Variants in PLCE1 observed in about 807,000 individuals in gnomAD.
PLCE1 encodes the protein 1-phosphatidylinositol 4,5-bisphosphate phosphodiesterase epsilon-1.
In PLCE1, 119 loss-of-function variants were observed where a neutral mutation model predicts 242.8. The ratio of observed to expected loss-of-function variants is 0.49; its 90% CI spans 0.42 to 0.57. The LOEUF is 0.57. Among genes scored for constraint, PLCE1 ranks in the 20% least tolerant of loss-of-function variants. The pLI is 0.00. For synonymous variants in PLCE1, 945 were observed against 1,017.4 expected, an observed-to-expected ratio of 0.93 and a Z score of 1.35; for missense variants, 2,441 against 2,788.8, an observed-to-expected ratio of 0.88 and a Z score of 2.81.
intron 2 of PLCE1, among the ~76,000 whole-genome samples, chr10:94,101,126 C>T (rs538552883): frequency 3.0e-4 from 46 of 152,246 alleles, no homozygotes; most frequent in African/African-American, 8.4e-4. Flanking sequence ...GCCGAGGCAG[C>T]GTGAGGCTTA....
chr10:94,033,807 A>G (rs763508888), intron 2 of PLCE1, among the ~76,000 whole-genome samples: 5 of 151,962 alleles, frequency 3.3e-5, no homozygotes, highest in Non-Finnish European at 7.4e-5. Flanking sequence ...TCACATTCCA[A>G]TTTTTCATAA....
chr10:94,125,781 A>G (rs574333248), intron 2 of PLCE1, among the ~76,000 whole-genome samples: 41 of 152,186 alleles, frequency 2.7e-4, no homozygotes, highest in Non-Finnish European at 4.7e-4. Context: ...AAGTGATCTC[A>G]AAAAGATAGC....
intron 18 of PLCE1, among the ~76,000 whole-genome samples, chr10:94,273,020 G>A (rs2133163705): frequency 6.6e-6 from 1 of 152,010 alleles, no homozygotes; most frequent in Middle Eastern, 3.4e-3. Context: ...GGGCAACAAT[G>A]GAGTTGATAT....
chr10:94,186,906 T>C (rs1349247779), intron 4 of PLCE1, among the ~76,000 whole-genome samples: 1 of 152,262 alleles, frequency 6.6e-6, no homozygotes, highest in Non-Finnish European at 1.5e-5. Context: ...CTGTGAATCC[T>C]GTGCCTTGCA....
At chr10:94,225,001 C>A (rs187004892) in intron 4 of PLCE1, among the ~76,000 whole-genome samples, 1 of 152,310 alleles carries the variant, frequency 6.6e-6, no homozygotes, top group East Asian at 1.9e-4. Context: ...AAGTCCAGTA[C>A]AGATGGAGGG....
intron 4 of PLCE1, among the ~76,000 whole-genome samples, chr10:94,215,695 A>G (rs2049497682): frequency 6.6e-6 from 1 of 152,122 alleles, no homozygotes; most frequent in African/African-American, 2.4e-5. Flanking sequence ...CAGAGAGAGG[A>G]TGGGTAAAGG....
chr10:94,223,711 G>A (rs145833511), intron 4 of PLCE1, among the ~76,000 whole-genome samples: 3,042 of 152,228 alleles, frequency 0.02, 47 homozygotes, highest in Non-Finnish European at 0.027. Context: ...AATTGGGCTG[G>A]GGGCCAGATT....
In PLCE1 at chr10:94,153,951, C is replaced by T. The variant is rs11187795; in HGVS notation, c.1493-17229C>T. Among the ~76,000 whole-genome samples, 576 of 152,268 alleles carry T rather than the reference C, an allele frequency of 3.8e-3. 29 individuals are homozygous for T. In the East Asian group the frequency reaches 0.1, roughly 27 times the overall value. On this transcript the variant is annotated intron_variant, in intron 3 of 32. Transcript: ENST00000371380. ...CATTGTTCAAATGGCAATATCTTTG[C>T]AAAGCAATCTGTAGATTAAGTACAA... is the stretch of plus-strand genomic sequence containing the variant.
At chr10:94,259,243 C>A in intron 13 of PLCE1, 93 bp downstream of exon 13, 1 of 1,255,358 alleles carries the variant, frequency 8.0e-7, no homozygotes, top group Non-Finnish European at 1.2e-6. Context: ...GCCTGTCCCA[C>A]ATAGTGTGCT....
In PLCE1 at chr10:94,284,845, C is replaced by A; in HGVS notation, c.4918-3C>A. The A allele has an allele frequency of 6.7e-7, 1 of 1,497,278 alleles. No individual in the cohort carries two copies. The highest frequency in any genetic ancestry group is 9.3e-7 in the Non-Finnish European group (1 of 1,073,720). 92.7% of individuals were successfully genotyped at this position (1,497,278 alleles called of 1,614,324 possible). Reference sequence around the variant, plus strand: ...TAAAATGGTATCATTTTTCCCTTACCAGGTTTATGATATGGAACTGGGAGA... The same window carrying A: ...TAAAATGGTATCATTTTTCCCTTACAAGGTTTATGATATGGAACTGGGAGA... On this transcript the variant is annotated splice_polypyrimidine_tract_variant and splice_region_variant and intron_variant, in intron 21 of 32. Coordinates refer to ENST00000371380, the MANE Select transcript of PLCE1 (RefSeq NM_016341.4).
intron 2 of PLCE1, among the ~76,000 whole-genome samples, chr10:94,087,694 C>T (rs530604671): frequency 2.6e-4 from 39 of 152,268 alleles, no homozygotes; most frequent in Non-Finnish European, 5.0e-4. Flanking sequence ...CCTCCCACTT[C>T]GTCCTCCCAA....
At chr10:94,292,773 A>G (rs1223459837) in intron 22 of PLCE1, among the ~76,000 whole-genome samples, 1 of 152,222 alleles carries the variant, frequency 6.6e-6, no homozygotes, top group Non-Finnish European at 1.5e-5. Context: ...TACAGTTATG[A>G]CAGTGGGAAC....
At chr10:94,046,484 C>G (rs997490986) in intron 2 of PLCE1, among the ~76,000 whole-genome samples, 2 of 152,130 alleles carry the variant, frequency 1.3e-5, no homozygotes, top group African/African-American at 4.8e-5. Context: ...CAGGTCCAAC[C>G]CTTCATTTTC....
chr10:94,228,431 A>G (rs1358370411), intron 5 of PLCE1, among the ~76,000 whole-genome samples: 1 of 152,228 alleles, frequency 6.6e-6, no homozygotes, highest in Non-Finnish European at 1.5e-5. Context: ...TGGGGATAAT[A>G]CTAAAAAGCA....
rs2046961512 is a variant in PLCE1, at chr10:94,141,569, CTAAGGGAAGGTGAAGGGAA to C, written c.1492+9111_1492+9129del. The stretch of plus-strand genomic sequence containing the variant: ...AGGCTAAGGGAAGGTGAAGGGAAGG[CTAAGGGAAGGTGAAGGGAA>C]GGCTAAGGGAAGGCAAAGGGAAGGA... On this transcript the variant is annotated intron_variant, in intron 3 of 32. Transcript: ENST00000371380. Among the ~76,000 whole-genome samples the C allele has an allele frequency of 2.4e-5, 2 of 84,742 alleles. 1 individual carries two copies. Among genetic ancestry groups the C allele is most frequent in the Non-Finnish European group, 4.6e-5 (2 of 43,350 alleles). The allele number at this position is 84,742 out of a possible 152,430, so 55.6% of individuals were successfully genotyped here.
rs574455725 is a variant in PLCE1 at position 94,244,543 on chromosome 10, C to T, written c.2421-1403C>T. On this transcript the variant is annotated intron_variant, in intron 7 of 32. Coordinates refer to ENST00000371380, the MANE Select transcript of PLCE1 (RefSeq NM_016341.4). ...CAAATAATCCAGGTTCCTGACTCAG[C>T]GGAGGGAACGTGCTAAATTTTCTAT... is the stretch of plus-strand genomic sequence containing the variant. Among the ~76,000 whole-genome samples the T allele has an allele frequency of 7.9e-5, 12 of 152,250 alleles. No individual in the cohort carries two copies. The South Asian group carries it at 1.0e-3, about 13-fold the overall frequency.
At chr10:94,210,793 T>G (rs1048229067) in intron 4 of PLCE1, among the ~76,000 whole-genome samples, 1 of 152,186 alleles carries the variant, frequency 6.6e-6, no homozygotes, top group African/African-American at 2.4e-5. Flanking sequence ...GGAAGTTTTC[T>G]TCCTTTGGCT....
intron 11 of PLCE1, 101 bp from the exon 12 acceptor site, chr10:94,258,699 C>G: frequency 5.8e-6 from 8 of 1,383,648 alleles, no homozygotes; most frequent in Non-Finnish European, 8.2e-6. Flanking sequence ...ATAACTTGCA[C>G]TCATCCTTTT....
chr10:94,289,595 T>C (rs554277789), intron 22 of PLCE1, among the ~76,000 whole-genome samples: 2 of 152,362 alleles, frequency 1.3e-5, no homozygotes, highest in African/African-American at 4.8e-5. Flanking sequence ...GGCATGTTAC[T>C]GCACTGAATA....
Sources: gnomAD v4.1 joint callset for allele counts (sites outside exome capture counted in the v4.1 genomes callset) on GRCh38, gnomAD v4.1.1 for gene constraint, MANE v1.5 for transcripts, NCBI Gene and HGNC (gene_info 2026-07-23, HGNC 2026-07-21) for gene names.